Variants in ANK3 observed in about 807,000 individuals in gnomAD.
The protein encoded by ANK3 is ankyrin-3.
Under a neutral mutation model 370.9 loss-of-function variants are expected in ANK3, and 57 were observed. The observed-to-expected ratio is 0.15, with a 90% confidence interval of 0.12 to 0.19. The LOEUF is 0.19. ANK3 is among the 10% of genes least tolerant of loss of function. ANK3 has a pLI of 1.00. For synonymous variants in ANK3, 1,929 were observed against 1,946.3 expected, an observed-to-expected ratio of 0.99 and a Z score of 0.23; for missense variants, 4,439 against 5,302.1, an observed-to-expected ratio of 0.84 and a Z score of 5.06.
At chr10:60,215,339 C>A (rs2096920578) in intron 8 of ANK3, among the ~76,000 whole-genome samples, 1 of 152,114 alleles carries the variant, frequency 6.6e-6, no homozygotes, top group South Asian at 2.1e-4. Context: ...GTTTCTTTTG[C>A]TGTGCAGAAG....
intron 7 of ANK3, among the ~76,000 whole-genome samples, chr10:60,251,549 C>T (rs1030244215): frequency 2.6e-4 from 39 of 152,188 alleles, no homozygotes; most frequent in African/African-American, 8.9e-4. Flanking sequence ...CCAAAAATTC[C>T]TCTACAAATT....
chr10:60,338,534 C>A (rs999322331), intron 1 of ANK3, among the ~76,000 whole-genome samples: 2 of 152,054 alleles, frequency 1.3e-5, no homozygotes, highest in Non-Finnish European at 2.9e-5. Context: ...TGCAGAAGGT[C>A]AACAGCATCA....
chr10:60,272,270 A>G (rs979859370), intron 4 of ANK3, among the ~76,000 whole-genome samples: 2 of 152,128 alleles, frequency 1.3e-5, no homozygotes, highest in Admixed American at 6.5e-5. Flanking sequence ...ATGAAAGATC[A>G]TTACATCCTT....
intron 1 of ANK3, among the ~76,000 whole-genome samples, chr10:60,694,197 G>GA (rs1247086167): frequency 1.3e-4 from 20 of 152,154 alleles, no homozygotes; most frequent in African/African-American, 4.3e-4. Context: ...GAAGTTTAGA[G>GA]AAAAAACAAT....
At chr10:60,595,813 T>C (rs2077980612) in intron 2 of ANK3, among the ~76,000 whole-genome samples, 1 of 152,194 alleles carries the variant, frequency 6.6e-6, no homozygotes. Flanking sequence ...AAAAGCAAGA[T>C]GGAGTTGGTT....
intron 2 of ANK3, among the ~76,000 whole-genome samples, chr10:60,470,872 T>C (rs996168279): frequency 3.3e-5 from 5 of 152,164 alleles, no homozygotes; most frequent in Admixed American, 2.6e-4. Flanking sequence ...TAAGTGCAGT[T>C]AATAAAATTA....
chr10:60,503,430 A>T (rs1398696593), intron 2 of ANK3, among the ~76,000 whole-genome samples: 1 of 152,158 alleles, frequency 6.6e-6, no homozygotes, highest in Non-Finnish European at 1.5e-5. Flanking sequence ...ATAGCCCCAT[A>T]AGGCCAAGGT....
chr10:60,589,596 C>G (rs2077881425), intron 2 of ANK3, among the ~76,000 whole-genome samples: 1 of 152,168 alleles, frequency 6.6e-6, no homozygotes, highest in Non-Finnish European at 1.5e-5. Context: ...TGGCAACATA[C>G]AGCATGAAAG....
At chr10:60,706,500 ACT>A (rs936368566) in intron 1 of ANK3, among the ~76,000 whole-genome samples, 23 of 150,724 alleles carry the variant, frequency 1.5e-4, no homozygotes, top group African/African-American at 5.4e-4. Flanking sequence ...ACCAATAAAT[ACT>A]CTTAGTCTGT....
intron 24 of ANK3, among the ~76,000 whole-genome samples, chr10:60,135,209 G>C (rs1244938903): frequency 6.6e-6 from 1 of 152,160 alleles, no homozygotes; most frequent in Non-Finnish European, 1.5e-5. Flanking sequence ...GCAAAGACCG[G>C]AATTGAAGCT....
At chr10:60,623,073 G>C (rs1267683603) in intron 1 of ANK3, among the ~76,000 whole-genome samples, 3 of 152,202 alleles carry the variant, frequency 2.0e-5, no homozygotes, top group Non-Finnish European at 4.4e-5. Flanking sequence ...TAAGGAGTCT[G>C]TACTTGTGAC....
At chr10:60,201,907 G>T (rs1019283483) in intron 12 of ANK3, among the ~76,000 whole-genome samples, 1 of 151,902 alleles carries the variant, frequency 6.6e-6, no homozygotes, top group Admixed American at 6.6e-5. Flanking sequence ...GTAGAGACAG[G>T]TTTCATCATT....
intron 23 of ANK3, among the ~76,000 whole-genome samples, chr10:60,146,183 C>A (rs779993588): frequency 6.6e-6 from 1 of 152,084 alleles, no homozygotes; most frequent in African/African-American, 2.4e-5. Flanking sequence ...CAGTGGATAT[C>A]CAGCAAGCAA....
rs181111999 is a variant in ANK3, at chr10:60,053,855, G to A, written c.13065+1803C>T. ...CTAAACATCTTTGGTTTTCTTGTGA[G>A]GTCAGGTTCATGTCTCCTAGAAGCT... On this transcript the variant is annotated intron_variant, in intron 42 of 43. Transcript: ENST00000280772. 1,001 of 635,594 alleles carry A rather than the reference G, an allele frequency of 1.6e-3. 3 individuals carry two copies. Among genetic ancestry groups the A allele is most frequent in the Non-Finnish European group, 2.0e-3 (894 of 453,808 alleles). 39.4% of individuals were successfully genotyped at this position (635,594 alleles called of 1,614,324 possible).
chr10:60,191,964 A>G (rs1349414990), intron 16 of ANK3, among the ~76,000 whole-genome samples: 1 of 152,100 alleles, frequency 6.6e-6, no homozygotes, highest in African/African-American at 2.4e-5. Flanking sequence ...GCTGGAGTGC[A>G]GTGGCGCGGT....
chr10:60,411,002 T>A (rs2063548640), intron 2 of ANK3, among the ~76,000 whole-genome samples: 1 of 152,108 alleles, frequency 6.6e-6, no homozygotes, highest in South Asian at 2.1e-4. Context: ...TCCCTCTCCT[T>A]CCTTTTTCTT....
chr10:60,429,803 T>C (rs962108042), intron 2 of ANK3, among the ~76,000 whole-genome samples: 16 of 152,220 alleles, frequency 1.1e-4, no homozygotes, highest in Admixed American at 9.8e-4. Flanking sequence ...TTTAAAACAC[T>C]AGAGCTCTAT....
intron 8 of ANK3, among the ~76,000 whole-genome samples, chr10:60,214,026 T>G (rs1207328708): frequency 3.9e-5 from 6 of 152,150 alleles, no homozygotes; most frequent in African/African-American, 1.4e-4. Context: ...GACAATACAT[T>G]CCTCTAAGTG....
intron 1 of ANK3, among the ~76,000 whole-genome samples, chr10:60,384,529 C>T (rs942233507): frequency 1.3e-5 from 2 of 152,158 alleles, no homozygotes; most frequent in Non-Finnish European, 2.9e-5. Context: ...AGAGCACAAG[C>T]TAGAGAGTTA....
Sources: gnomAD v4.1 joint callset for allele counts (sites outside exome capture counted in the v4.1 genomes callset) on GRCh38, gnomAD v4.1.1 for gene constraint, MANE v1.5 for transcripts, NCBI Gene and HGNC (gene_info 2026-07-23, HGNC 2026-07-21) for gene names.